Variants in LRRTM4 observed in about 807,000 individuals in gnomAD.
The protein encoded by LRRTM4 is leucine-rich repeat transmembrane neuronal protein 4.
A neutral mutation model predicts 47.6 loss-of-function variants in LRRTM4; 25 were observed. The observed-to-expected ratio is 0.53, with a 90% CI of 0.38 to 0.73. The LOEUF (loss-of-function observed/expected upper bound fraction) is 0.73. Ranked by LOEUF, LRRTM4 falls within the 30% of genes least tolerant of loss-of-function variation. LRRTM4 has a pLI of 0.00. For synonymous variants in LRRTM4, 311 were observed against 269.5 expected (o/e 1.15, Z -1.51); for missense variants, 638 against 713.4 (o/e 0.89, Z 1.20).
At chr2:77,515,523 T>C (rs562858557) in intron 3 of LRRTM4, among the ~76,000 whole-genome samples, 14 of 151,962 alleles carry the variant, frequency 9.2e-5, no homozygotes, top group Non-Finnish European at 1.8e-4. Flanking sequence ...AGGCACTATC[T>C]TAGAAAATTA....
chr2:77,055,073 C>G (rs761970424), intron 3 of LRRTM4, among the ~76,000 whole-genome samples: 1 of 152,104 alleles, frequency 6.6e-6, no homozygotes, highest in Non-Finnish European at 1.5e-5. Flanking sequence ...AAGGAGGTAA[C>G]AGTGCCAGCA....
At position 77,029,707 on chromosome 2, in the gene LRRTM4, A is replaced by G. The variant is rs149027576; in HGVS notation, c.1552-280791T>C. 1.0e-3 allele frequency among the ~76,000 whole-genome samples: 155 copies of G among 152,338 alleles called. 1 individual carries two copies. Among genetic ancestry groups the G allele is most frequent in the African/African-American group, 3.6e-3 (150 of 41,588 alleles). Reference sequence around the variant, plus strand: ...CAGAAATCTAATATATGGTGATGCGAATTTCTGAAGAGAGGGAATAAATGC... The same window carrying G: ...CAGAAATCTAATATATGGTGATGCGGATTTCTGAAGAGAGGGAATAAATGC... On this transcript the variant is annotated intron_variant, in intron 3 of 3. Transcript: ENST00000409884.
chr2:77,141,922 T>G (rs1672134805), intron 3 of LRRTM4, among the ~76,000 whole-genome samples: 1 of 152,170 alleles, frequency 6.6e-6, no homozygotes, highest in Non-Finnish European at 1.5e-5. Context: ...AGCCAAGGGC[T>G]TCAACACCCA....
At chr2:77,440,143 G>T (rs1477583129) in intron 3 of LRRTM4, among the ~76,000 whole-genome samples, 1 of 152,166 alleles carries the variant, frequency 6.6e-6, no homozygotes, top group African/African-American at 2.4e-5. Flanking sequence ...GGCCGGGCGC[G>T]GTGGCTCACG....
At chr2:77,165,380 G>C (rs1672851248) in intron 3 of LRRTM4, among the ~76,000 whole-genome samples, 2 of 152,052 alleles carry the variant, frequency 1.3e-5, no homozygotes, top group African/African-American at 4.8e-5. Flanking sequence ...TTCTACCAGA[G>C]GTACAAAGAG....
At chr2:76,830,513 T>C (rs1373149176) in intron 3 of LRRTM4, among the ~76,000 whole-genome samples, 2 of 124,850 alleles carry the variant, frequency 1.6e-5, no homozygotes, top group African/African-American at 7.3e-5. Flanking sequence ...TGGCAGTGTG[T>C]GCGTGTGTGT....
intron 3 of LRRTM4, among the ~76,000 whole-genome samples, chr2:76,797,792 CA>C (rs780711233): frequency 0.027 from 3,966 of 149,522 alleles, 171 homozygotes; most frequent in African/African-American, 0.081. Flanking sequence ...CAATGGAAAA[CA>C]AAAAAAGGCA....
intron 3 of LRRTM4, chr2:77,517,508 A>T (rs2104121011): frequency 1.0e-6 from 1 of 985,162 alleles, no homozygotes; most frequent in South Asian, 4.7e-5. Flanking sequence ...ACCTGATTTT[A>T]GTTACCAGGG....
At position 77,522,358 on chromosome 2, in the gene LRRTM4, C is replaced by T. The variant is rs893931129; in HGVS notation, c.-397G>A. ...TGCTCAGAGCTTGTTGGTGCTAATGCTTGAGTTTGTGATACACTGAGTGCC... is the reference window on the plus strand; with the variant it reads ...TGCTCAGAGCTTGTTGGTGCTAATGTTTGAGTTTGTGATACACTGAGTGCC... On this transcript the variant is annotated 5_prime_UTR_variant, in exon 1 of 4. Transcript: ENST00000409884. The T allele has an allele frequency of 1.4e-5, 6 of 443,418 alleles. No homozygotes were observed. Among genetic ancestry groups the T allele is most frequent in the Non-Finnish European group, 2.4e-5 (6 of 249,186 alleles). 27.5% of individuals were successfully genotyped at this position (443,418 alleles called of 1,614,324 possible). A position where few individuals can be genotyped will look rare whatever the true frequency, so the allele number is the denominator to read the frequency against.
intron 3 of LRRTM4, among the ~76,000 whole-genome samples, chr2:77,261,763 A>G (rs1379824683): frequency 1.3e-5 from 2 of 152,110 alleles, no homozygotes; most frequent in East Asian, 1.9e-4. Flanking sequence ...ACAATAAAAT[A>G]CAGTTCCCTG....
intron 3 of LRRTM4, among the ~76,000 whole-genome samples, chr2:76,862,011 T>A (rs547086608): frequency 6.6e-6 from 1 of 152,276 alleles, no homozygotes; most frequent in African/African-American, 2.4e-5. Context: ...TCAGGTTGTT[T>A]GTGTGCTTAG....
At chr2:77,484,805 T>C (rs1165452878) in intron 3 of LRRTM4, among the ~76,000 whole-genome samples, 2 of 152,176 alleles carry the variant, frequency 1.3e-5, no homozygotes, top group African/African-American at 2.4e-5. Flanking sequence ...ATTTCCTTTA[T>C]TGTTTTTAAC....
chr2:77,362,138 A>C (rs1299063928), intron 3 of LRRTM4, among the ~76,000 whole-genome samples: 1 of 103,020 alleles, frequency 9.7e-6, no homozygotes, highest in Admixed American at 8.6e-5. Flanking sequence ...AGAAAGAAAG[A>C]AAGAAAGAAA....
intron 3 of LRRTM4, among the ~76,000 whole-genome samples, chr2:77,184,097 A>C (rs1266581970): frequency 6.6e-6 from 1 of 152,134 alleles, no homozygotes; most frequent in Non-Finnish European, 1.5e-5. Context: ...AAAAGATAAT[A>C]ATAAAAGTAC....
rs909866854 is a variant in LRRTM4 at position 77,517,402 on chromosome 2, A to C, written c.1551+916T>G. ...TTATTTTTTAATAAGTTTAACAAGAATACATATCATTTCTTTTGGGGATGA... is the reference window on the plus strand; with the variant it reads ...TTATTTTTTAATAAGTTTAACAAGACTACATATCATTTCTTTTGGGGATGA... On this transcript the variant is annotated intron_variant, in intron 3 of 3. Coordinates refer to ENST00000409884, the MANE Select transcript of LRRTM4 (RefSeq NM_001134745.3). The C allele has an allele frequency of 1.3e-5, 13 of 984,154 alleles. No individual in the cohort carries two copies. The South Asian group carries it at 6.1e-4, about 46-fold the overall frequency. The allele number at this position is 984,154 out of a possible 1,614,324, so 61.0% of individuals were successfully genotyped here.
chr2:77,073,447 C>T (rs957839), intron 3 of LRRTM4, among the ~76,000 whole-genome samples: 60,750 of 151,640 alleles, frequency 0.4, 14,242 homozygotes, highest in East Asian at 0.68. Context: ...TATAGCATTT[C>T]CAGTACAGAC....
In LRRTM4 at chr2:77,521,694, C is replaced by A; in HGVS notation, c.-23G>T. On this transcript the variant is annotated 5_prime_UTR_variant, in exon 2 of 4. Coordinates refer to ENST00000409884, the MANE Select transcript of LRRTM4 (RefSeq NM_001134745.3). ...CATCCTTTGTCATCCAAAAACGTTT[C>A]CCCCCTCTCTCAGCTTTCTTCTTAT... 1 of 1,611,776 alleles carries A rather than the reference C, an allele frequency of 6.2e-7. No individual in the cohort carries two copies. The highest frequency in any genetic ancestry group is 1.7e-5 in the Admixed American group (1 of 59,826).
At chr2:77,467,127 A>G (rs1034108851) in intron 3 of LRRTM4, among the ~76,000 whole-genome samples, 3 of 152,010 alleles carry the variant, frequency 2.0e-5, no homozygotes, top group Admixed American at 1.3e-4. Flanking sequence ...TTGTTGTTGT[A>G]ATCATTTTGA....
intron 3 of LRRTM4, among the ~76,000 whole-genome samples, chr2:76,958,366 AGAT>A (rs1675745738): frequency 6.6e-6 from 1 of 151,782 alleles, no homozygotes; most frequent in Non-Finnish European, 1.5e-5. Context: ...TCCAACTCGA[AGAT>A]AGATAACTGA....
Sources: allele counts gnomAD v4.1 joint callset (sites outside exome capture counted in the v4.1 genomes callset), GRCh38; gene constraint gnomAD v4.1.1; transcripts MANE v1.5; gene names NCBI Gene and HGNC (gene_info 2026-07-23, HGNC 2026-07-21).